Variants in STAT4 observed in about 807,000 individuals in gnomAD.
The protein encoded by STAT4 is signal transducer and activator of transcription 4.
Under a neutral mutation model 110.5 loss-of-function variants are expected in STAT4, and 42 were observed. That is an observed-to-expected ratio of 0.38 (90% CI 0.30 to 0.49). STAT4 has a LOEUF of 0.49. Among genes scored for constraint, STAT4 ranks in the 20% least tolerant of loss-of-function variants. The pLI is 0.95. For synonymous variants in STAT4, 284 were observed against 302.2 expected (o/e 0.94, Z 0.63); for missense variants, 632 against 887.9 (o/e 0.71, Z 3.66).
Position 191,066,020 on chromosome 2 carries a change from T to C in STAT4, c.630+410A>G, listed in dbSNP as rs1696975661. On this transcript the variant is annotated intron_variant, in intron 7 of 23. Transcript: ENST00000392320. The surrounding 1 kb of genome is among the most constrained non-coding windows in gnomAD (Gnocchi z 4.3). Reference sequence around the variant, plus strand: ...CTTAACACTACGTCATTTCTCAGAGTAGAAACTAGAACACTTATTTTTCCA... The same window carrying C: ...CTTAACACTACGTCATTTCTCAGAGCAGAAACTAGAACACTTATTTTTCCA... Among the ~76,000 whole-genome samples the C allele has an allele frequency of 6.6e-6, 1 of 152,132 alleles. No homozygotes were observed. Among genetic ancestry groups the C allele is most frequent in the Non-Finnish European group, 1.5e-5 (1 of 68,016 alleles).
Position 191,099,765 on chromosome 2 carries a change from G to C in STAT4, c.274-23440C>G, listed in dbSNP as rs1023800709. 1.9e-4 allele frequency among the ~76,000 whole-genome samples: 29 copies of C among 152,112 alleles called. No homozygotes were observed. The highest frequency in any genetic ancestry group is 7.0e-4 in the African/African-American group (29 of 41,438). The stretch of plus-strand genomic sequence containing the variant: ...AATACGGATGTCTTTGAAGGTAGTG[G>C]TGTGGATGGAGGTAAGGAAAAAAGA... On this transcript the variant is annotated intron_variant, in intron 3 of 23. Coordinates refer to ENST00000392320, the MANE Select transcript of STAT4 (RefSeq NM_003151.4). The surrounding 1 kb of genome is among the most constrained non-coding windows in gnomAD (Gnocchi z 4.1).
chr2:191,075,256 T>A (rs944485745), intron 4 of STAT4, among the ~76,000 whole-genome samples: 1 of 152,196 alleles, frequency 6.6e-6, no homozygotes, highest in Admixed American at 6.5e-5. Context: ...GGAAAATTAA[T>A]TACACACCCT....
At chr2:191,139,818 A>C (rs996430240) in intron 3 of STAT4, among the ~76,000 whole-genome samples, 3 of 152,242 alleles carry the variant, frequency 2.0e-5, no homozygotes, top group African/African-American at 7.2e-5. Context: ...CAAAAAGAAC[A>C]AATCTGGAGA....
intron 6 of STAT4, among the ~76,000 whole-genome samples, chr2:191,067,066 T>G (rs1375867979): frequency 1.3e-5 from 2 of 151,708 alleles, no homozygotes. Context: ...TTTCTTTTTT[T>G]TTTTTTCAAA....
At chr2:191,134,260 G>A (rs1699119832) in intron 3 of STAT4, among the ~76,000 whole-genome samples, 1 of 152,200 alleles carries the variant, frequency 6.6e-6, no homozygotes, top group Admixed American at 6.5e-5. Context: ...GCAAATGGTT[G>A]TCCCATCACT....
intron 3 of STAT4, among the ~76,000 whole-genome samples, chr2:191,130,220 CTTTT>C (rs34523590): frequency 9.8e-4 from 113 of 115,772 alleles, no homozygotes; most frequent in African/African-American, 2.9e-3. Context: ...GTCTATCTCC[CTTTT>C]TTTTTTTTTT....
chr2:191,075,621 T>A (rs551291883), intron 4 of STAT4, among the ~76,000 whole-genome samples: 31 of 151,926 alleles, frequency 2.0e-4, no homozygotes, highest in Non-Finnish European at 4.3e-4. Context: ...TGGAACAGAG[T>A]GTGGCCAGTA....
intron 16 of STAT4, 77 bp from the exon 17 acceptor site, chr2:191,036,376 G>C (rs1559038106): frequency 6.8e-7 from 1 of 1,471,028 alleles, no homozygotes; most frequent in Admixed American, 1.8e-5. Flanking sequence ...GGGCAAGAGA[G>C]GTCTCCCCCT....
chr2:191,133,894 T>C (rs914262234), intron 3 of STAT4, among the ~76,000 whole-genome samples: 2 of 148,240 alleles, frequency 1.3e-5, no homozygotes, highest in Admixed American at 1.3e-4. Flanking sequence ...AGGGTACATC[T>C]GTACAAAAGA....
chr2:191,146,586 T>C lies in STAT4; in HGVS notation c.273+27A>G. ...AATTTAAGACTCATATATCCAAATA[T>C]TTTGGAAAAGTAGAATGCATTCTTA... On this transcript the variant is annotated intron_variant, in intron 3 of 23. Transcript: ENST00000392320. The surrounding 1 kb of genome is among the most constrained non-coding windows in gnomAD (Gnocchi z 4.5). 2 of 1,449,770 alleles carry C rather than the reference T, an allele frequency of 1.4e-6. No homozygotes were observed. Among genetic ancestry groups the C allele is most frequent in the South Asian group, 3.2e-5 (2 of 63,456 alleles). The allele number at this position is 1,449,770 out of a possible 1,614,324, so 89.8% of individuals were successfully genotyped here.
upstream of STAT4, chr2:191,151,189 G>T (rs760807371): frequency 6.5e-5 from 64 of 985,538 alleles, no homozygotes; most frequent in Non-Finnish European, 7.3e-5. The surrounding 1 kb of genome is among the most constrained non-coding windows in gnomAD (Gnocchi z 4.7). Flanking sequence ...CCCCTTCACC[G>T]GGCGTCCTCT....
chr2:191,151,274 G>A, upstream of STAT4: 1 of 985,620 alleles, frequency 1.0e-6, no homozygotes, highest in Non-Finnish European at 1.2e-6. The surrounding 1 kb of genome is among the most constrained non-coding windows in gnomAD (Gnocchi z 4.7). Context: ...GAGGGGCGGG[G>A]CATACATTTT....
rs1374674206 is a variant in STAT4 at position 191,142,837 on chromosome 2, A to G, written c.273+3776T>C. On this transcript the variant is annotated intron_variant, in intron 3 of 23. Coordinates refer to ENST00000392320, the MANE Select transcript of STAT4 (RefSeq NM_003151.4). The surrounding 1 kb of genome is among the most constrained non-coding windows in gnomAD (Gnocchi z 4.1). ...CGTGGGAAGCGAGAGAAGGATGAAT[A>G]TTGGAGAGGACAGGAGATTTTCAGG... Among the ~76,000 whole-genome samples the G allele has an allele frequency of 6.6e-6, 1 of 152,158 alleles. No individual in the cohort carries two copies. Among genetic ancestry groups the G allele is most frequent in the Non-Finnish European group, 1.5e-5 (1 of 68,026 alleles).
At chr2:191,038,035 C>A in intron 16 of STAT4, among the ~76,000 whole-genome samples, 1 of 152,134 alleles carries the variant, frequency 6.6e-6, no homozygotes, top group African/African-American at 2.4e-5. Context: ...GACTTTGGTG[C>A]CTTTCTTACA....
chr2:191,092,883 T>C (rs897414078), intron 3 of STAT4, among the ~76,000 whole-genome samples: 3 of 152,152 alleles, frequency 2.0e-5, no homozygotes, highest in Non-Finnish European at 2.9e-5. Flanking sequence ...ACTGGCACAC[T>C]GGGAGATTAT....
chr2:191,106,778 C>T (rs1405100540), intron 3 of STAT4, among the ~76,000 whole-genome samples: 4 of 152,122 alleles, frequency 2.6e-5, no homozygotes, highest in African/African-American at 7.2e-5. Flanking sequence ...AGTGAACATA[C>T]AGCCTTCAGG....
intron 14 of STAT4, among the ~76,000 whole-genome samples, chr2:191,047,167 C>T (rs1269892098): frequency 1.3e-5 from 2 of 151,874 alleles, no homozygotes. Flanking sequence ...AGGAGGGTGG[C>T]GCACCTGGAC....
At chr2:191,132,906 C>A (rs1484136374) in intron 3 of STAT4, among the ~76,000 whole-genome samples, 2 of 151,360 alleles carry the variant, frequency 1.3e-5, no homozygotes, top group African/African-American at 4.9e-5. Flanking sequence ...AGGCGCCCGC[C>A]ACCATGCCCG....
rs1039853817 is a variant in STAT4, at chr2:191,117,709, A to G, written c.273+28904T>C. Among the ~76,000 whole-genome samples, 6 of 152,170 alleles carry G rather than the reference A, an allele frequency of 3.9e-5. No homozygotes were observed. Among genetic ancestry groups the G allele is most frequent in the Non-Finnish European group, 7.3e-5 (5 of 68,030 alleles). ...AATGAGTAGAGTCCATTCTAAGAAT[A>G]CAAAATACCCACATCCTAAATCCAC... is the stretch of plus-strand genomic sequence containing the variant. On this transcript the variant is annotated intron_variant, in intron 3 of 23. Coordinates refer to ENST00000392320, the MANE Select transcript of STAT4 (RefSeq NM_003151.4). This position sits in a 1 kb window ranked among gnomAD's most constrained non-coding sequence, Gnocchi z 5.2.
Sources: gnomAD v4.1 joint callset for allele counts (sites outside exome capture counted in the v4.1 genomes callset) on GRCh38, gnomAD v4.1.1 for gene constraint, Gnocchi (gnomAD v3.1) non-coding constraint, MANE v1.5 for transcripts, NCBI Gene and HGNC (gene_info 2026-07-23, HGNC 2026-07-21) for gene names.